LINGO2: variants seen among roughly 807,000 people sequenced by gnomAD.
The protein encoded by LINGO2 is leucine-rich repeat and immunoglobulin-like domain-containing nogo receptor-interacting protein 2.
LINGO2 carries 14 observed loss-of-function variants against 30.6 expected under a neutral mutation model. The ratio of observed to expected loss-of-function variants is 0.46; its 90% CI spans 0.30 to 0.72. The LOEUF (loss-of-function observed/expected upper bound fraction) is 0.72. Among genes scored for constraint, LINGO2 ranks in the 30% least tolerant of loss-of-function variants. The pLI, the probability that LINGO2 is intolerant of heterozygous loss-of-function variation, is 0.07. For synonymous variants in LINGO2, 317 were observed against 288.5 expected (o/e 1.10, Z -1.00); for missense variants, 729 against 751.7 (o/e 0.97, Z 0.35).
At chr9:28,992,719 A>G in the LINGO2 span, among the ~76,000 whole-genome samples, 3 of 152,234 alleles carry the variant, frequency 2.0e-5, no homozygotes, top group South Asian at 4.1e-4. Context: ...CTCACTCAAA[A>G]CCACTCAACT....
intron 4 of LINGO2, among the ~76,000 whole-genome samples, chr9:28,212,350 C>T (rs1220846774): frequency 6.6e-6 from 1 of 151,298 alleles, no homozygotes; most frequent in African/African-American, 2.4e-5. Context: ...TCTAAGTTAG[C>T]ATGGCAAATG....
chr9:27,946,340 T>C (rs768823437), downstream of LINGO2, among the ~76,000 whole-genome samples: 3 of 152,170 alleles, frequency 2.0e-5, no homozygotes, highest in Non-Finnish European at 4.4e-5. Flanking sequence ...TATTATTCCA[T>C]AGATCAGAGT....
intron 4 of LINGO2, among the ~76,000 whole-genome samples, chr9:28,079,133 C>A (rs1825705369): frequency 1.5e-5 from 2 of 135,580 alleles, no homozygotes; most frequent in Non-Finnish European, 2.9e-5. Context: ...ACTTGAAATA[C>A]TACTATTAGG....
the LINGO2 span, among the ~76,000 whole-genome samples, chr9:28,988,877 G>C: frequency 6.6e-6 from 1 of 152,232 alleles, no homozygotes; most frequent in East Asian, 1.9e-4. Flanking sequence ...ACATGCCAGT[G>C]TTTCAGGTTT....
At chr9:28,008,633 T>A (rs1364032489) in intron 5 of LINGO2, among the ~76,000 whole-genome samples, 1 of 152,140 alleles carries the variant, frequency 6.6e-6, no homozygotes, top group Non-Finnish European at 1.5e-5. Context: ...ACATAAATAC[T>A]GAATGTATTT....
At chr9:28,639,650 TTC>T (rs1827474227) in intron 1 of LINGO2, among the ~76,000 whole-genome samples, 2 of 152,166 alleles carry the variant, frequency 1.3e-5, no homozygotes, top group South Asian at 4.1e-4. Context: ...AACCCCTGCC[TTC>T]TTTTGTTTTC....
At chr9:29,130,803 C>T in the LINGO2 span, among the ~76,000 whole-genome samples, 5 of 151,398 alleles carry the variant, frequency 3.3e-5, no homozygotes, top group East Asian at 7.8e-4. Context: ...CAATTACAAC[C>T]GAGATGGAAG....
intron 4 of LINGO2, among the ~76,000 whole-genome samples, chr9:28,195,432 G>A: frequency 6.6e-6 from 1 of 150,876 alleles, no homozygotes; most frequent in Non-Finnish European, 1.5e-5. Flanking sequence ...TGAAAGATAA[G>A]GAATGATAAT....
intron 2 of LINGO2, among the ~76,000 whole-genome samples, chr9:28,385,643 A>T (rs991859758): frequency 2.0e-5 from 3 of 152,130 alleles, no homozygotes; most frequent in African/African-American, 7.2e-5. Context: ...CAAAACATAA[A>T]CTTGCCCTGG....
At chr9:29,058,878 A>G in the LINGO2 span, among the ~76,000 whole-genome samples, 1 of 152,010 alleles carries the variant, frequency 6.6e-6, no homozygotes, top group East Asian at 1.9e-4. Flanking sequence ...ACCTGAAAAA[A>G]TTGACAAATT....
the LINGO2 span, among the ~76,000 whole-genome samples, chr9:28,741,426 T>C: frequency 1.2e-3 from 175 of 152,012 alleles, no homozygotes; most frequent in Admixed American, 6.7e-3. Context: ...CAGAGGATGG[T>C]TGCATGGGTG....
intron 1 of LINGO2, among the ~76,000 whole-genome samples, chr9:28,479,141 A>G (rs1825834946): frequency 6.6e-6 from 1 of 152,022 alleles, no homozygotes; most frequent in South Asian, 2.1e-4. Flanking sequence ...CTTTGTATAT[A>G]TTAACTATCA....
the LINGO2 span, among the ~76,000 whole-genome samples, chr9:29,119,169 G>A: frequency 2.0e-5 from 3 of 152,142 alleles, no homozygotes; most frequent in African/African-American, 7.2e-5. Context: ...ATTCCCAATA[G>A]GGGCTTGCAA....
the LINGO2 span, among the ~76,000 whole-genome samples, chr9:29,132,077 T>C: frequency 2.6e-5 from 4 of 151,948 alleles, no homozygotes; most frequent in Non-Finnish European, 5.9e-5. Context: ...CTGACTCCAC[T>C]AGACAGAGCA....
chr9:28,491,503 G>A (rs550789871), intron 1 of LINGO2, among the ~76,000 whole-genome samples: 13 of 152,104 alleles, frequency 8.5e-5, no homozygotes, highest in Non-Finnish European at 1.5e-4. Context: ...AGCATTTTTG[G>A]GTCACCAGTT....
At chr9:29,073,196 C>A in the LINGO2 span, among the ~76,000 whole-genome samples, 1 of 152,034 alleles carries the variant, frequency 6.6e-6, no homozygotes, top group African/African-American at 2.4e-5. Flanking sequence ...CCATACATAT[C>A]TCCATGCTCT....
intron 1 of LINGO2, among the ~76,000 whole-genome samples, chr9:28,650,701 G>A (rs537960569): frequency 1.8e-4 from 27 of 151,910 alleles, no homozygotes; most frequent in African/African-American, 5.1e-4. Context: ...TCTAATAAAC[G>A]AGCCCCTTCT....
chr9:29,019,990 A>G, the LINGO2 span, among the ~76,000 whole-genome samples: 1 of 152,290 alleles, frequency 6.6e-6, no homozygotes, highest in Admixed American at 6.5e-5. Flanking sequence ...CAACCTATAT[A>G]AAAGGAATAA....
intron 5 of LINGO2, among the ~76,000 whole-genome samples, chr9:27,978,483 T>C (rs182567682): frequency 4.6e-5 from 7 of 152,114 alleles, no homozygotes; most frequent in African/African-American, 1.7e-4. Flanking sequence ...ATTAGTGCCC[T>C]TATAAAAGGG....
Sources: allele counts gnomAD v4.1 joint callset (sites outside exome capture counted in the v4.1 genomes callset), GRCh38; gene constraint gnomAD v4.1.1; transcripts MANE v1.5; gene names NCBI Gene and HGNC (gene_info 2026-07-23, HGNC 2026-07-21).